Variants in MYH9 observed in about 807,000 individuals in gnomAD.
MYH9 encodes the protein myosin heavy chain 9, also known as myosin-9.
A neutral mutation model predicts 241.9 loss-of-function variants in MYH9; 29 were observed. That is an observed-to-expected ratio of 0.12 (90% CI 0.09 to 0.16). MYH9 has a LOEUF of 0.16. MYH9 is among the 10% of genes least tolerant of loss of function. The pLI is 1.00. For missense variants in MYH9, 1,803 were observed against 2,595.5 expected, an observed-to-expected ratio of 0.69 and a Z score of 6.63; for synonymous variants, 1,047 against 1,062.6, an observed-to-expected ratio of 0.99 and a Z score of 0.29.
chr22:36,303,466 C>T (rs778936886), intron 19 of MYH9, among the ~76,000 whole-genome samples: 20 of 151,648 alleles, frequency 1.3e-4, no homozygotes, highest in African/African-American at 2.7e-4. Flanking sequence ...TCTTCCCACC[C>T]ATCACTCTAA....
chr22:36,368,854 C>CGTCCG (rs2018049933), intron 1 of MYH9, among the ~76,000 whole-genome samples: 1 of 148,082 alleles, frequency 6.8e-6, no homozygotes, highest in Admixed American at 6.8e-5. Flanking sequence ...AAGCCTGCCC[C>CGTCCG]GTCCGCGATA....
intron 1 of MYH9, among the ~76,000 whole-genome samples, chr22:36,359,910 A>G (rs1252820359): frequency 6.6e-6 from 1 of 152,214 alleles, no homozygotes; most frequent in Non-Finnish European, 1.5e-5. Context: ...ATGTACCACA[A>G]TGGAGTTTAT....
At chr22:36,381,005 G>A (rs962615887) in intron 1 of MYH9, among the ~76,000 whole-genome samples, 1 of 152,054 alleles carries the variant, frequency 6.6e-6, no homozygotes, top group Non-Finnish European at 1.5e-5. Context: ...TCTGTTTAAG[G>A]GGTTACTCTA....
Position 36,309,402 on chromosome 22 carries a change from G to A in MYH9, c.1729-6C>T, listed in dbSNP as rs9622375. On this transcript the variant is annotated splice_region_variant and splice_polypyrimidine_tract_variant and intron_variant, in intron 14 of 40. Transcript: ENST00000216181. ...TCGTCAGCTTTGTAATCCACCTGGC[G>A]GGGTCAGAGAGGCAGGAGTCACAAG... The A allele has an allele frequency of 1.6e-3, 2,566 of 1,611,984 alleles. 33 individuals are homozygous for A. The African/African-American group carries it at 0.022, about 14-fold the overall frequency.
At chr22:36,354,956 AACACACACAC>A (rs136203) in intron 1 of MYH9, among the ~76,000 whole-genome samples, 153 of 123,710 alleles carry the variant, frequency 1.2e-3, no homozygotes, top group East Asian at 5.2e-3. Context: ...CAAAAAACAA[AACACACACAC>A]ACACACACAC....
At chr22:36,322,384 C>A (rs374600895) in intron 6 of MYH9, 45 bp downstream of exon 6, 4 of 1,597,856 alleles carry the variant, frequency 2.5e-6, no homozygotes, top group African/African-American at 2.7e-5. Context: ...AAGCTCCGGG[C>A]AAGGCCCTCT....
chr22:36,294,006 CAGAG>C, intron 28 of MYH9, 82 bp downstream of exon 28: 1 of 1,514,874 alleles, frequency 6.6e-7, no homozygotes, highest in Non-Finnish European at 9.1e-7. Flanking sequence ...GAGAGAGAGA[CAGAG>C]AGCACACATG....
At chr22:36,347,253 T>A (rs1392055186) in intron 2 of MYH9, among the ~76,000 whole-genome samples, 1 of 152,060 alleles carries the variant, frequency 6.6e-6, no homozygotes, top group Non-Finnish European at 1.5e-5. Context: ...CCTGATCTGC[T>A]GCATGTGCTG....
chr22:36,345,841 C>T (rs6000244), intron 2 of MYH9, among the ~76,000 whole-genome samples: 4,579 of 152,246 alleles, frequency 0.03, 222 homozygotes, highest in African/African-American at 0.1. Context: ...ATTCTTCCCA[C>T]CTGCCATGTT....
chr22:36,312,312 CCT>C lies in MYH9; in HGVS notation c.1555-92_1555-91del. Reference sequence around the variant, plus strand: ...AGCCAAAGCCCGGACATCAGAATCCCCTGAATCCCACAGACGGTGGGCGACAC... The same window carrying C: ...AGCCAAAGCCCGGACATCAGAATCCCGAATCCCACAGACGGTGGGCGACAC... On this transcript the variant is annotated intron_variant, in intron 13 of 40. Transcript: ENST00000216181. 2.9e-6 allele frequency: 4 copies of C among 1,361,956 alleles called. No individual in the cohort carries two copies. In the South Asian group the frequency reaches 3.6e-5, roughly 12 times the overall value. 84.4% of individuals were successfully genotyped at this position (1,361,956 alleles called of 1,614,324 possible).
intron 1 of MYH9, among the ~76,000 whole-genome samples, chr22:36,365,881 T>C (rs905113098): frequency 1.3e-5 from 2 of 152,226 alleles, no homozygotes; most frequent in Admixed American, 1.3e-4. Flanking sequence ...GTCTATTTTA[T>C]TTCATTTCTA....
Position 36,320,975 on chromosome 22 carries a change from C to CA in MYH9, c.770-80dup, listed in dbSNP as rs1185838026. 2.3e-5 allele frequency: 27 copies of CA among 1,161,850 alleles called. 1 individual carries two copies. The South Asian group carries it at 2.6e-4, about 11-fold the overall frequency. The allele number at this position is 1,161,850 out of a possible 1,614,324, so 72.0% of individuals were successfully genotyped here. A position where few individuals can be genotyped will look rare whatever the true frequency, so the allele number is the denominator to read the frequency against. ...TTCCTCATTTTTTTTTTTTTGGAGA[C>CA]AGAGTCTCGCTCTGTCACCCAGGTT... On this transcript the variant is annotated intron_variant, in intron 7 of 40. Transcript: ENST00000216181. This position sits in a 1 kb window ranked among gnomAD's most constrained non-coding sequence, Gnocchi z 4.8.
rs376494037 is a variant in MYH9 at position 36,327,471 on chromosome 22, T to C, written c.508A>G (p.Ile170Val). Residue 170 changes from isoleucine (I) to valine (V), a missense_variant, in exon 4 of 41, where the codon ATC (isoleucine) becomes GTC (valine). Physicochemically the swap from Ile to Val is conservative, Grantham distance 29 (BLOSUM62 3). Transcript: ENST00000216181. ...SMMQDREDQS[I>V]LCTGESGAGK... ...CGGAGAAATACTTACGTGCACAAGA[T>C]GGATTGATCTTCTCGGTCTGAAACA... The C allele has an allele frequency of 6.2e-6, 10 of 1,613,932 alleles. No homozygotes were observed. In the African/African-American group the frequency reaches 1.2e-4, roughly 19 times the overall value.
intron 19 of MYH9, 49 bp from the exon 20 acceptor site, chr22:36,302,725 G>A (rs373696564): frequency 3.1e-5 from 46 of 1,502,904 alleles, no homozygotes; most frequent in East Asian, 1.8e-4. Flanking sequence ...CAGCAGACCC[G>A]ACCTAACAGT....
chr22:36,384,649 T>TATAC (rs1363957844), intron 1 of MYH9, among the ~76,000 whole-genome samples: 1 of 98,092 alleles, frequency 1.0e-5, no homozygotes, highest in East Asian at 3.8e-4. Context: ...TATATATATA[T>TATAC]ATACAGCCAC....
At chr22:36,331,044 T>C (rs1248850939) in intron 3 of MYH9, among the ~76,000 whole-genome samples, 1 of 152,076 alleles carries the variant, frequency 6.6e-6, no homozygotes, top group Non-Finnish European at 1.5e-5. Flanking sequence ...CAGTGGGTGG[T>C]GGAGACAGGG....
At chr22:36,318,043 G>C (rs2017186906) in intron 11 of MYH9, among the ~76,000 whole-genome samples, 164 bp downstream of exon 11, 1 of 152,228 alleles carries the variant, frequency 6.6e-6, no homozygotes, top group Admixed American at 6.5e-5. Context: ...GCTCTAGATG[G>C]CGTTATGCCA....
At chr22:36,359,334 G>C (rs2017901374) in intron 1 of MYH9, among the ~76,000 whole-genome samples, 1 of 152,236 alleles carries the variant, frequency 6.6e-6, no homozygotes, top group African/African-American at 2.4e-5. Flanking sequence ...GAGGAAGAAA[G>C]ACTTAATGGG....
intron 1 of MYH9, among the ~76,000 whole-genome samples, chr22:36,360,723 AAAAG>A (rs1454227008): frequency 2.6e-5 from 4 of 151,884 alleles, no homozygotes; most frequent in Non-Finnish European, 5.9e-5. Flanking sequence ...AAAAAAAAAA[AAAAG>A]AAAGAAAAAG....
Sources: allele counts gnomAD v4.1 joint callset (sites outside exome capture counted in the v4.1 genomes callset), GRCh38; gene constraint gnomAD v4.1.1; non-coding constraint Gnocchi (gnomAD v3.1); transcripts MANE v1.5; gene names NCBI Gene and HGNC (gene_info 2026-07-23, HGNC 2026-07-21).